TTLL5: variants seen among roughly 807,000 people sequenced by gnomAD.
The protein encoded by TTLL5 is tubulin tyrosine ligase like 5, also known as tubulin polyglutamylase TTLL5.
TTLL5 carries 132 observed loss-of-function variants against 168.4 expected under a neutral mutation model. The ratio of observed to expected loss-of-function variants is 0.78; its 90% CI spans 0.68 to 0.91. The LOEUF (loss-of-function observed/expected upper bound fraction) is 0.91. Ranked by LOEUF, TTLL5 falls within the 40% of genes least tolerant of loss-of-function variation. The probability of loss-of-function intolerance (pLI) is 0.00; values close to 1 mark genes in which losing one functional copy is unlikely to be tolerated. For missense variants in TTLL5, 1,545 were observed against 1,581.5 expected (o/e 0.98, Z 0.39); for synonymous variants, 546 against 558.6 (o/e 0.98, Z 0.32).
chr14:75,683,455 G>GA (rs1235979015), intron 4 of TTLL5, 95 bp from the exon 5 acceptor site: 15 of 1,034,396 alleles, frequency 1.5e-5, no homozygotes, highest in Non-Finnish European at 2.2e-5. Flanking sequence ...CACTGTGGAT[G>GA]AAAAAATCAC....
chr14:75,692,697 CAG>C lies in TTLL5; in HGVS notation c.502+2376_502+2377del, dbSNP rs111545373. On this transcript the variant is annotated intron_variant, in intron 6 of 31. Coordinates refer to ENST00000298832, the MANE Select transcript of TTLL5 (RefSeq NM_015072.5). Reference sequence around the variant, plus strand: ...TACTGCCTGTGTATGGGGAGCGAGGCAGGGGTCAAAGAGGAATCCTAAGGTTT... The same window carrying C: ...TACTGCCTGTGTATGGGGAGCGAGGCGGGTCAAAGAGGAATCCTAAGGTTT... 4.6e-3 allele frequency among the ~76,000 whole-genome samples: 700 copies of C among 152,144 alleles called. 3 individuals carry two copies. The highest frequency in any genetic ancestry group is 0.011 in the East Asian group (57 of 5,180).
chr14:75,722,576 T>A (rs1385249110), intron 12 of TTLL5, among the ~76,000 whole-genome samples: 1 of 152,170 alleles, frequency 6.6e-6, no homozygotes, highest in Admixed American at 6.6e-5. Context: ...CAGTGTGTCC[T>A]TTCTTCCCAT....
chr14:75,794,842 A>C (rs991751857), intron 27 of TTLL5, among the ~76,000 whole-genome samples: 2 of 152,176 alleles, frequency 1.3e-5, no homozygotes, highest in African/African-American at 4.8e-5. Flanking sequence ...GATCTTGAGC[A>C]GTTCACTCCA....
At chr14:75,805,664 T>C (rs1165041611) in intron 27 of TTLL5, among the ~76,000 whole-genome samples, 1 of 152,232 alleles carries the variant, frequency 6.6e-6, no homozygotes, top group African/African-American at 2.4e-5. Flanking sequence ...TTCAAAATAC[T>C]TGATGTATTT....
At chr14:75,881,871 CTTT>C (rs1357870468) in intron 29 of TTLL5, among the ~76,000 whole-genome samples, 9 of 152,046 alleles carry the variant, frequency 5.9e-5, no homozygotes, top group Non-Finnish European at 8.8e-5. Flanking sequence ...GTTGTAAGAA[CTTT>C]TTAAGCATCT....
chr14:75,825,761 C>T (rs1895088072), intron 28 of TTLL5, among the ~76,000 whole-genome samples: 1 of 151,896 alleles, frequency 6.6e-6, no homozygotes, highest in East Asian at 1.9e-4. Context: ...TAAAGTTTAC[C>T]TCACCTTTCT....
intron 31 of TTLL5, among the ~76,000 whole-genome samples, chr14:75,946,242 C>A (rs1442959048): frequency 1.3e-5 from 2 of 152,076 alleles, no homozygotes; most frequent in African/African-American, 4.8e-5. Flanking sequence ...TCATGTAACT[C>A]AAGGAGAGCA....
intron 18 of TTLL5, among the ~76,000 whole-genome samples, chr14:75,756,218 G>T (rs564913610): frequency 6.6e-6 from 1 of 151,880 alleles, no homozygotes; most frequent in Non-Finnish European, 1.5e-5. Context: ...CTTTTCACTG[G>T]ATTTTTCTTT....
intron 7 of TTLL5, among the ~76,000 whole-genome samples, chr14:75,703,017 C>A (rs774229201): frequency 9.9e-5 from 15 of 152,224 alleles, no homozygotes; most frequent in Non-Finnish European, 1.9e-4. Context: ...AAAGGCATAA[C>A]CATCCCCTCT....
chr14:75,842,670 T>C (rs896958269), intron 28 of TTLL5, among the ~76,000 whole-genome samples: 3 of 152,168 alleles, frequency 2.0e-5, no homozygotes, highest in South Asian at 2.1e-4. Flanking sequence ...AAGTGTTTGA[T>C]GTACTTTTAA....
chr14:75,819,681 G>A (rs765288868), intron 27 of TTLL5, among the ~76,000 whole-genome samples: 2 of 152,162 alleles, frequency 1.3e-5, no homozygotes, highest in Admixed American at 6.5e-5. Context: ...AGACTAGTTC[G>A]CCTCGTTTCT....
At chr14:75,687,553 C>T (rs34882722) in intron 5 of TTLL5, among the ~76,000 whole-genome samples, 79,940 of 151,978 alleles carry the variant, frequency 0.53, 23,869 homozygotes, top group Non-Finnish European at 0.66. Context: ...GGATTACAGG[C>T]GTGAGCCACC....
At chr14:75,863,926 A>AGAAAAAAAG (rs1555352362) in intron 29 of TTLL5, 64 bp downstream of exon 29, 5 of 1,257,772 alleles carry the variant, frequency 4.0e-6, no homozygotes, top group Middle Eastern at 3.0e-4. Flanking sequence ...AAAAAAAAAA[A>AGAAAAAAAG]AAAAAAAAGG....
intron 28 of TTLL5, among the ~76,000 whole-genome samples, chr14:75,845,025 G>A (rs117583675): frequency 0.015 from 2,223 of 152,154 alleles, 18 homozygotes; most frequent in South Asian, 0.026. Context: ...CCTAATGCCC[G>A]GAATGTCCTT....
intron 28 of TTLL5, chr14:75,847,783 C>A (rs1353945793): frequency 2.0e-5 from 3 of 152,046 alleles, no homozygotes; most frequent in African/African-American, 7.3e-5. Context: ...GTCACAATCA[C>A]CTGACAGGCT....
At chr14:75,672,618 C>G (rs1883834929) in intron 3 of TTLL5, among the ~76,000 whole-genome samples, 1 of 152,136 alleles carries the variant, frequency 6.6e-6, no homozygotes, top group African/African-American at 2.4e-5. Context: ...CTTCTGATGC[C>G]TTTGTCTGGC....
In TTLL5 at chr14:75,850,457, A is replaced by G. The variant is rs1896788100; in HGVS notation, c.3327-13210A>G. ...GTAACTAAATGTGCAGCTGTACCCA[A>G]ACAATAAATCAAAGTTTGAGAATTA... is the stretch of plus-strand genomic sequence containing the variant. On this transcript the variant is annotated intron_variant, in intron 28 of 31. Transcript: ENST00000298832. 2.7e-5 allele frequency among the ~76,000 whole-genome samples: 4 copies of G among 145,788 alleles called. No homozygotes were observed. The South Asian group carries it at 8.7e-4, about 32-fold the overall frequency.
At chr14:75,817,438 C>T (rs1053895639) in intron 27 of TTLL5, among the ~76,000 whole-genome samples, 3 of 152,146 alleles carry the variant, frequency 2.0e-5, no homozygotes, top group African/African-American at 7.2e-5. Context: ...TGCTCCTGAC[C>T]TATGGAAAAC....
chr14:75,797,143 T>G (rs532048534), intron 27 of TTLL5, among the ~76,000 whole-genome samples: 1 of 152,292 alleles, frequency 6.6e-6, no homozygotes, highest in Admixed American at 6.5e-5. Context: ...ACGTCCTTGG[T>G]TAGGTATATC....
Sources: gnomAD v4.1 joint callset for allele counts (sites outside exome capture counted in the v4.1 genomes callset) on GRCh38, gnomAD v4.1.1 for gene constraint, MANE v1.5 for transcripts, NCBI Gene and HGNC (gene_info 2026-07-23, HGNC 2026-07-21) for gene names.